Variants in PPM1H observed in about 807,000 individuals in gnomAD.
The protein encoded by PPM1H is protein phosphatase, Mg2+/Mn2+ dependent 1H.
In PPM1H, 27 loss-of-function variants were observed where a neutral mutation model predicts 54.9. The ratio of observed to expected loss-of-function variants is 0.49; its 90% CI spans 0.36 to 0.68. The LOEUF (loss-of-function observed/expected upper bound fraction) is 0.68. Ranked by LOEUF, PPM1H falls within the 30% of genes least tolerant of loss-of-function variation. The pLI, the probability that PPM1H is intolerant of heterozygous loss-of-function variation, is 0.00. For missense variants in PPM1H, 596 were observed against 667.8 expected, an observed-to-expected ratio of 0.89 and a Z score of 1.19; for synonymous variants, 305 against 270.8, an observed-to-expected ratio of 1.13 and a Z score of -1.24.
chr12:62,924,516 T>C (rs1383733903), intron 1 of PPM1H, among the ~76,000 whole-genome samples: 1 of 152,212 alleles, frequency 6.6e-6, no homozygotes, highest in Non-Finnish European at 1.5e-5. Context: ...AACAGTGACA[T>C]AATCCAAGTG....
intron 4 of PPM1H, among the ~76,000 whole-genome samples, chr12:62,758,879 T>C (rs933023651): frequency 1.3e-5 from 2 of 152,212 alleles, no homozygotes; most frequent in Non-Finnish European, 2.9e-5. Context: ...GAAAATAGCC[T>C]TAACTGATGA....
intron 1 of PPM1H, among the ~76,000 whole-genome samples, chr12:62,837,666 A>C (rs1475322437): frequency 6.6e-6 from 1 of 152,220 alleles, no homozygotes; most frequent in Non-Finnish European, 1.5e-5. Flanking sequence ...TCCCATCAGA[A>C]AAGAGTTATG....
intron 5 of PPM1H, among the ~76,000 whole-genome samples, chr12:62,721,545 A>C (rs969287645): frequency 3.9e-5 from 6 of 152,084 alleles, no homozygotes; most frequent in Non-Finnish European, 8.8e-5. Context: ...TTCTGCTGGG[A>C]GTAAGGCTTG....
chr12:62,843,095 T>A (rs758401845), intron 1 of PPM1H, among the ~76,000 whole-genome samples: 3 of 152,170 alleles, frequency 2.0e-5, no homozygotes, highest in Non-Finnish European at 4.4e-5. Context: ...GCCGGCGGAT[T>A]GCTTGAGGTC....
At chr12:62,792,314 T>A (rs1289229369) in intron 3 of PPM1H, among the ~76,000 whole-genome samples, 2 of 152,228 alleles carry the variant, frequency 1.3e-5, no homozygotes, top group Non-Finnish European at 2.9e-5. Flanking sequence ...TGTGACTCAA[T>A]ATTTTTTTTC....
chr12:62,742,484 A>G (rs1011267921), intron 4 of PPM1H, among the ~76,000 whole-genome samples: 12 of 152,334 alleles, frequency 7.9e-5, no homozygotes, highest in Non-Finnish European at 1.3e-4. Context: ...AAGGGGTTTC[A>G]AACGGAACGA....
intron 2 of PPM1H, among the ~76,000 whole-genome samples, chr12:62,831,268 T>C (rs1001021465): frequency 9.2e-5 from 14 of 152,146 alleles, no homozygotes; most frequent in Non-Finnish European, 1.8e-4. Flanking sequence ...CACATTTGGG[T>C]CAGTCCATTC....
intron 4 of PPM1H, among the ~76,000 whole-genome samples, chr12:62,758,981 T>A (rs903419425): frequency 9.2e-5 from 14 of 152,204 alleles, no homozygotes; most frequent in African/African-American, 3.4e-4. Flanking sequence ...TTTGTAATTC[T>A]CCCTACCCTT....
rs10650338 is a variant in PPM1H at position 62,815,187 on chromosome 12, C to CTT, written c.412-13029_412-13028dup. On this transcript the variant is annotated intron_variant, in intron 2 of 9. Coordinates refer to ENST00000228705, the MANE Select transcript of PPM1H (RefSeq NM_020700.2). ...GCGTTGTTCGCTTTTTACCATACCT[C>CTT]TTTTTTTTTGACTAAATTGTTCGGA... Among the ~76,000 whole-genome samples the CTT allele has an allele frequency of 4.2e-4, 63 of 151,194 alleles. 1 individual carries two copies. The highest frequency in any genetic ancestry group is 1.5e-3 in the African/African-American group (62 of 41,064).
chr12:62,690,050 G>A (rs746379967), intron 7 of PPM1H, among the ~76,000 whole-genome samples: 5 of 152,180 alleles, frequency 3.3e-5, no homozygotes, highest in Non-Finnish European at 7.4e-5. Context: ...GGTTGCTGCT[G>A]TTTCTTTTCA....
At chr12:62,718,070 T>C (rs2120452508) in intron 6 of PPM1H, among the ~76,000 whole-genome samples, 1 of 152,334 alleles carries the variant, frequency 6.6e-6, no homozygotes, top group East Asian at 1.9e-4. Context: ...GTCTGCAACA[T>C]TGATCTCCCC....
At chr12:62,691,695 C>CGT (rs1565758249) in intron 7 of PPM1H, among the ~76,000 whole-genome samples, 2,660 of 151,812 alleles carry the variant, frequency 0.018, 93 homozygotes, top group African/African-American at 0.061. Context: ...TGGTGGCATG[C>CGT]GCCTGTAGTC....
intron 9 of PPM1H, chr12:62,658,713 A>G: frequency 2.9e-6 from 1 of 347,016 alleles, no homozygotes; most frequent in Non-Finnish European, 5.5e-6. Flanking sequence ...GGAACAGTTC[A>G]TTTCGTGACC....
chr12:62,747,684 C>T (rs539832451), intron 4 of PPM1H, among the ~76,000 whole-genome samples: 42 of 152,320 alleles, frequency 2.8e-4, no homozygotes, highest in African/African-American at 9.9e-4. Flanking sequence ...CACTTCAGCC[C>T]TTCTGCCCTC....
At chr12:62,657,605 T>C (rs906210410) in intron 9 of PPM1H, among the ~76,000 whole-genome samples, 3 of 152,170 alleles carry the variant, frequency 2.0e-5, no homozygotes, top group Admixed American at 6.5e-5. Flanking sequence ...AAACCAGTAA[T>C]TGGTATGGTG....
At chr12:62,923,949 C>CTAAAAG (rs151321106) in intron 1 of PPM1H, among the ~76,000 whole-genome samples, 80,619 of 151,278 alleles carry the variant, frequency 0.53, 21,721 homozygotes, top group East Asian at 0.65. Flanking sequence ...TTTCATAAAA[C>CTAAAAG]TATTTGATTT....
intron 1 of PPM1H, among the ~76,000 whole-genome samples, chr12:62,895,000 C>T (rs1295153733): frequency 6.6e-6 from 1 of 152,186 alleles, no homozygotes; most frequent in Non-Finnish European, 1.5e-5. Flanking sequence ...AAGTTACCAG[C>T]ATCAGTTGTT....
In PPM1H at chr12:62,720,191, C is replaced by T. The variant is rs759140268; in HGVS notation, c.1053G>A (p.Arg351=). 2 of 1,609,046 alleles carry T rather than the reference C, an allele frequency of 1.2e-6. No homozygotes were observed. The highest frequency in any genetic ancestry group is 1.7e-4 in the Middle Eastern group (1 of 6,050). The change falls in exon 6 of 10, where the codon AGG becomes AGA. Residue 351 remains arginine (R), a synonymous_variant. Coordinates refer to ENST00000228705, the MANE Select transcript of PPM1H (RefSeq NM_020700.2). ...RKELGKKMLY[R]DFNMTGWAYK... is the part of the protein sequence containing the mutation. ...CTTACCAGCCTGTCATATTAAAGTCCCTGTAGAGCATCTTCTTTCCAAGCT... is the reference window on the plus strand; with the variant it reads ...CTTACCAGCCTGTCATATTAAAGTCTCTGTAGAGCATCTTCTTTCCAAGCT...
At chr12:62,698,733 A>G (rs2076127401) in intron 6 of PPM1H, among the ~76,000 whole-genome samples, 1 of 152,126 alleles carries the variant, frequency 6.6e-6, no homozygotes, top group South Asian at 2.1e-4. Context: ...TTACATATGG[A>G]GACTCTGAAT....
Sources: allele counts gnomAD v4.1 joint callset (sites outside exome capture counted in the v4.1 genomes callset), GRCh38; gene constraint gnomAD v4.1.1; transcripts MANE v1.5; gene names NCBI Gene and HGNC (gene_info 2026-07-23, HGNC 2026-07-21).